Variants in ADGRL2 observed in about 807,000 individuals in gnomAD.
ADGRL2 encodes adhesion G protein-coupled receptor L2, also known as calcium-independent alpha-latrotoxin receptor 2.
In ADGRL2, 44 loss-of-function variants were observed where a neutral mutation model predicts 157.4. That is an observed-to-expected ratio of 0.28 (90% CI 0.22 to 0.36). The LOEUF (loss-of-function observed/expected upper bound fraction) is 0.36, where lower values mean the gene tolerates loss of function less well. Among genes scored for constraint, ADGRL2 ranks in the 10% least tolerant of loss-of-function variants. ADGRL2 has a pLI of 1.00. For synonymous variants in ADGRL2, 585 were observed against 624.7 expected (o/e 0.94, Z 0.95); for missense variants, 1,510 against 1,768.9 (o/e 0.85, Z 2.63).
chr1:81,810,570 CGTATTTTA>C (rs1259477093), intron 1 of ADGRL2, among the ~76,000 whole-genome samples: 1 of 151,744 alleles, frequency 6.6e-6, no homozygotes, highest in Non-Finnish European at 1.5e-5. Context: ...ATGCTTATGG[CGTATTTTA>C]GTTCTTACAA....
At chr1:81,436,791 A>T (rs1485431910) in intron 1 of ADGRL2, among the ~76,000 whole-genome samples, 1 of 152,238 alleles carries the variant, frequency 6.6e-6, no homozygotes, top group Non-Finnish European at 1.5e-5. Flanking sequence ...GTTGTCACCT[A>T]TCAGGACCTG....
chr1:81,505,060 C>T (rs112753398), intron 2 of ADGRL2: 6 of 400,890 alleles, frequency 1.5e-5, no homozygotes, highest in Admixed American at 7.8e-5. Flanking sequence ...TGTGTGGCGG[C>T]GTGGCTCGCA....
chr1:81,707,093 C>T (rs1256601428), intron 1 of ADGRL2, among the ~76,000 whole-genome samples: 1 of 152,096 alleles, frequency 6.6e-6, no homozygotes, highest in Non-Finnish European at 1.5e-5. Flanking sequence ...TTTACCCAAC[C>T]AGAGGCCTGT....
intron 17 of ADGRL2, among the ~76,000 whole-genome samples, chr1:81,978,382 T>TTGTATTTACTTTTTCTCTAGA (rs1408068143): frequency 3.3e-5 from 5 of 151,794 alleles, no homozygotes; most frequent in Admixed American, 3.3e-4. Context: ...GTTTCTACAA[T>TTGTATTTACTTTTTCTCTAGA]TGTATTTACT....
At chr1:81,522,260 G>A (rs373018905) in intron 2 of ADGRL2, among the ~76,000 whole-genome samples, 25 of 151,976 alleles carry the variant, frequency 1.6e-4, no homozygotes, top group South Asian at 1.0e-3. Context: ...CCACTGTGCC[G>A]GGCCATAAAT....
chr1:81,336,183 C>A (rs1223205057), intron 1 of ADGRL2, among the ~76,000 whole-genome samples: 1 of 152,306 alleles, frequency 6.6e-6, no homozygotes, highest in Middle Eastern at 3.4e-3. Context: ...AGATATGTTT[C>A]ACCTCCCTTC....
chr1:81,984,949 C>T (rs1022992724), intron 20 of ADGRL2, among the ~76,000 whole-genome samples: 2 of 151,914 alleles, frequency 1.3e-5, no homozygotes, highest in African/African-American at 4.8e-5. Flanking sequence ...GTCTTATAGC[C>T]TAAGGCCATA....
At chr1:81,974,964 A>C (rs1659757053) in intron 17 of ADGRL2, among the ~76,000 whole-genome samples, 1 of 152,110 alleles carries the variant, frequency 6.6e-6, no homozygotes, top group South Asian at 2.1e-4. Flanking sequence ...AGAAAAAAAA[A>C]TGTCCCAGTT....
intron 2 of ADGRL2, among the ~76,000 whole-genome samples, chr1:81,482,270 C>T (rs568899318): frequency 9.2e-5 from 14 of 152,196 alleles, no homozygotes; most frequent in East Asian, 1.9e-4. Flanking sequence ...AATAAAGCAC[C>T]GTATGTTTCT....
At chr1:81,466,123 G>A (rs2078047197) in intron 2 of ADGRL2, among the ~76,000 whole-genome samples, 1 of 152,160 alleles carries the variant, frequency 6.6e-6, no homozygotes, top group Non-Finnish European at 1.5e-5. Flanking sequence ...CTTCAGAGAA[G>A]ACCATTATGG....
intron 3 of ADGRL2, among the ~76,000 whole-genome samples, chr1:81,649,737 G>T (rs1447117014): frequency 3.3e-5 from 5 of 152,116 alleles, no homozygotes; most frequent in Admixed American, 3.3e-4. Context: ...GAGAAAACAG[G>T]CTTGGAGGGG....
Position 81,981,829 on chromosome 1 carries a change from C to T in ADGRL2, c.3135C>T (p.Phe1045=), listed in dbSNP as rs267598734. 190 of 1,608,620 alleles carry T rather than the reference C, an allele frequency of 1.2e-4. 1 individual carries two copies. The highest frequency in any genetic ancestry group is 9.2e-4 in the Admixed American group (54 of 58,666). ...ENIKSWVLGA[F]ALLCLLGLTW... ...CCAGGTCTTGGGTGCTTGGCGCTTT[C>T]GCTCTTCTGTGTCTTCTTGGCCTCA... Residue 1045 remains phenylalanine, a synonymous_variant, in exon 19 of 24, where the codon TTC becomes TTT. Transcript: ENST00000686636.
At chr1:81,885,548 G>A (rs1557844479) in intron 2 of ADGRL2, among the ~76,000 whole-genome samples, 1 of 152,106 alleles carries the variant, frequency 6.6e-6, no homozygotes, top group East Asian at 1.9e-4. Flanking sequence ...CTTTAATTCA[G>A]CATTTGTATC....
intron 2 of ADGRL2, among the ~76,000 whole-genome samples, chr1:81,509,909 C>G (rs977034535): frequency 6.6e-6 from 1 of 152,208 alleles, no homozygotes. Context: ...CCTTGCGAGT[C>G]TGCCCAACAG....
chr1:81,489,246 ATT>A (rs2078578741), intron 2 of ADGRL2, among the ~76,000 whole-genome samples: 1 of 151,908 alleles, frequency 6.6e-6, no homozygotes, highest in Admixed American at 6.6e-5. Context: ...CAAAAAAAAA[ATT>A]AATAATAAAA....
intron 3 of ADGRL2, among the ~76,000 whole-genome samples, chr1:81,688,222 C>G (rs1002290492): frequency 1.3e-5 from 2 of 152,136 alleles, no homozygotes; most frequent in Non-Finnish European, 2.9e-5. Context: ...AGGTCTCTAG[C>G]TAGGCCAGGG....
chr1:81,868,051 T>C (rs1246442791), intron 2 of ADGRL2, among the ~76,000 whole-genome samples: 1 of 120,954 alleles, frequency 8.3e-6, no homozygotes, highest in Non-Finnish European at 1.7e-5. Flanking sequence ...GGCAAGGCTG[T>C]GTGTGTGTGG....
At chr1:81,798,629 CCTT>C (rs2087711722), upstream of ADGRL2, among the ~76,000 whole-genome samples, 1 of 152,084 alleles carries the variant, frequency 6.6e-6, no homozygotes, top group Non-Finnish European at 1.5e-5. Flanking sequence ...CAAGCATCCT[CCTT>C]TTTTGTGATA....
intron 2 of ADGRL2, among the ~76,000 whole-genome samples, chr1:81,562,123 C>T (rs2080457098): frequency 6.6e-6 from 1 of 152,004 alleles, no homozygotes; most frequent in South Asian, 2.1e-4. Flanking sequence ...GTTCTGGTTG[C>T]AAGGAGAAGG....
Sources: gnomAD v4.1 joint callset for allele counts (sites outside exome capture counted in the v4.1 genomes callset) on GRCh38, gnomAD v4.1.1 for gene constraint, MANE v1.5 for transcripts, NCBI Gene and HGNC (gene_info 2026-07-23, HGNC 2026-07-21) for gene names.